The following FBXL17 variants were observed in gnomAD, a reference collection of about 807,000 sequenced individuals.
FBXL17 encodes the protein F-box/LRR-repeat protein 17.
In FBXL17, 22 loss-of-function variants were observed where a neutral mutation model predicts 66.2. The observed-to-expected ratio is 0.33, with a 90% CI of 0.24 to 0.47. The LOEUF (loss-of-function observed/expected upper bound fraction) is 0.47, where lower values mean the gene tolerates loss of function less well. Among genes scored for constraint, FBXL17 ranks in the 20% least tolerant of loss-of-function variants. The pLI, the probability that FBXL17 is intolerant of heterozygous loss-of-function variation, is 1.00. For missense variants in FBXL17, 878 were observed against 948.2 expected (o/e 0.93, Z 0.97); for synonymous variants, 474 against 400.5 (o/e 1.18, Z -2.19).
chr5:108,353,341 G>C (rs1747766409), intron 3 of FBXL17, among the ~76,000 whole-genome samples: 1 of 152,148 alleles, frequency 6.6e-6, no homozygotes, highest in Non-Finnish European at 1.5e-5. Flanking sequence ...GGCTAGAGTA[G>C]GAAAACCTGA....
chr5:108,375,915 C>T (rs189646815), intron 1 of FBXL17, among the ~76,000 whole-genome samples: 57 of 152,180 alleles, frequency 3.7e-4, no homozygotes, highest in Admixed American at 9.8e-4. Context: ...AAGGGTTATA[C>T]ACCATGACCA....
intron 6 of FBXL17, among the ~76,000 whole-genome samples, chr5:108,172,240 C>T (rs1403844707): frequency 6.6e-6 from 1 of 152,124 alleles, no homozygotes; most frequent in East Asian, 1.9e-4. Flanking sequence ...ATGTTGGTGG[C>T]AGTATTCCAA....
intron 4 of FBXL17, among the ~76,000 whole-genome samples, chr5:108,274,284 CG>C (rs545754487): frequency 1.8e-4 from 28 of 152,112 alleles, no homozygotes; most frequent in African/African-American, 6.5e-4. Flanking sequence ...CGACCACGCC[CG>C]GGGGGGCCAG....
chr5:107,879,131 A>G (rs1228202239), intron 8 of FBXL17: 1 of 985,346 alleles, frequency 1.0e-6, no homozygotes, highest in Non-Finnish European at 1.2e-6. Flanking sequence ...TAGTAACTGT[A>G]ACATACAACT....
intron 7 of FBXL17, among the ~76,000 whole-genome samples, chr5:107,939,848 G>C (rs895206303): frequency 6.6e-6 from 1 of 152,094 alleles, no homozygotes; most frequent in East Asian, 1.9e-4. Flanking sequence ...AAGACCAGGA[G>C]GGCTCAGCTG....
rs538438191 is a variant in FBXL17 at position 108,153,218 on chromosome 5, C to T, written c.1745+32899G>A. Among the ~76,000 whole-genome samples the T allele has an allele frequency of 4.6e-5, 7 of 152,250 alleles. No individual in the cohort carries two copies. The South Asian group carries it at 1.5e-3, about 32-fold the overall frequency. On this transcript the variant is annotated intron_variant, in intron 6 of 8. Coordinates refer to ENST00000542267, the MANE Select transcript of FBXL17 (RefSeq NM_001163315.3). ...TGTCTTTATTAGCAGTGTGAGAACA[C>T]ACTAATACAGCAGCCTATATTTTAT...
At chr5:107,994,626 T>G (rs1182158419) in intron 7 of FBXL17, among the ~76,000 whole-genome samples, 3 of 151,966 alleles carry the variant, frequency 2.0e-5, no homozygotes, top group African/African-American at 4.8e-5. Flanking sequence ...GATTATGAGG[T>G]CAGGAGTTCA....
At chr5:108,313,128 A>G (rs1271185096) in intron 4 of FBXL17, among the ~76,000 whole-genome samples, 1 of 152,134 alleles carries the variant, frequency 6.6e-6, no homozygotes, top group Non-Finnish European at 1.5e-5. Context: ...CATCGAAGAA[A>G]TAACATACTT....
rs116774391 is a variant in FBXL17 at position 108,365,109 on chromosome 5, C to T, written c.1117-114G>A. 4.3e-3 allele frequency: 2,948 copies of T among 682,284 alleles called. 55 individuals carry two copies. The highest frequency in any genetic ancestry group is 0.015 in the African/African-American group (815 of 55,188). 42.3% of individuals were successfully genotyped at this position (682,284 alleles called of 1,614,324 possible). ...TATACTAATTAGATTATAGCATGAA[C>T]GATATAATCAAAAGAGAAACCGTCT... On this transcript the variant is annotated intron_variant, in intron 2 of 8. Coordinates refer to ENST00000542267, the MANE Select transcript of FBXL17 (RefSeq NM_001163315.3).
At chr5:108,343,769 A>C (rs1336275712) in intron 4 of FBXL17, among the ~76,000 whole-genome samples, 2 of 152,156 alleles carry the variant, frequency 1.3e-5, no homozygotes. Flanking sequence ...AGCAAAGAGA[A>C]AAAAAAATTA....
intron 4 of FBXL17, among the ~76,000 whole-genome samples, chr5:108,234,842 G>A (rs568301108): frequency 6.6e-6 from 1 of 152,144 alleles, no homozygotes; most frequent in East Asian, 1.9e-4. Flanking sequence ...TGGAATCCAA[G>A]GAAGCAGTTT....
chr5:108,147,138 A>G (rs770463232), intron 6 of FBXL17, among the ~76,000 whole-genome samples: 21 of 152,222 alleles, frequency 1.4e-4, no homozygotes, highest in South Asian at 2.1e-4. Context: ...TAATACTATT[A>G]CAGTGGTTAT....
At chr5:108,073,964 A>G (rs1416194983) in intron 6 of FBXL17, among the ~76,000 whole-genome samples, 3 of 152,178 alleles carry the variant, frequency 2.0e-5, no homozygotes, top group Non-Finnish European at 4.4e-5. Context: ...AGGTATTCCT[A>G]TATAGCAATG....
In FBXL17 at chr5:108,191,364, T is replaced by C. The variant is rs148633749; in HGVS notation, c.1615-5117A>G. ...TCCATCACAACAGTTTAAATGTACT[T>C]AATGCCACTAAACTGTACATTTTAC... is the stretch of plus-strand genomic sequence containing the variant. On this transcript the variant is annotated intron_variant, in intron 5 of 8. Transcript: ENST00000542267. Among the ~76,000 whole-genome samples the C allele has an allele frequency of 2.2e-3, 342 of 152,356 alleles. 1 individual carries two copies. The highest frequency in any genetic ancestry group is 7.8e-3 in the African/African-American group (326 of 41,586).
At chr5:108,310,158 A>G (rs1759048355) in intron 4 of FBXL17, among the ~76,000 whole-genome samples, 1 of 152,256 alleles carries the variant, frequency 6.6e-6, no homozygotes, top group South Asian at 2.1e-4. Flanking sequence ...TTCTGGCATA[A>G]TATTTCCTAT....
chr5:107,893,945 C>T (rs1749288287), intron 7 of FBXL17, among the ~76,000 whole-genome samples: 1 of 152,112 alleles, frequency 6.6e-6, no homozygotes, highest in African/African-American at 2.4e-5. Flanking sequence ...ATAGTTCTTT[C>T]CAACGAGGAA....
At chr5:107,950,597 C>T (rs1751467265) in intron 7 of FBXL17, among the ~76,000 whole-genome samples, 1 of 152,158 alleles carries the variant, frequency 6.6e-6, no homozygotes, top group Non-Finnish European at 1.5e-5. Flanking sequence ...GTACTCCACT[C>T]AGATGTCTCA....
chr5:108,079,182 CT>C (rs1355012197), intron 6 of FBXL17, among the ~76,000 whole-genome samples: 1 of 149,936 alleles, frequency 6.7e-6, no homozygotes, highest in Admixed American at 6.7e-5. Context: ...ATTAATCTGC[CT>C]TTTGTGAGTT....
intron 6 of FBXL17, among the ~76,000 whole-genome samples, chr5:108,065,502 G>A (rs745388070): frequency 2.6e-5 from 4 of 152,110 alleles, no homozygotes; most frequent in African/African-American, 9.7e-5. Flanking sequence ...TCCCTTGTAC[G>A]TTGTGACTAT....
Sources: allele counts gnomAD v4.1 joint callset (sites outside exome capture counted in the v4.1 genomes callset), GRCh38; gene constraint gnomAD v4.1.1; transcripts MANE v1.5; gene names NCBI Gene and HGNC (gene_info 2026-07-23, HGNC 2026-07-21).